Variants in TRMT61A observed in about 807,000 individuals in gnomAD.
The protein encoded by TRMT61A is tRNA methyltransferase 61A, also known as tRNA (adenine(58)-N(1))-methyltransferase catalytic subunit TRMT61A.
In TRMT61A, 15 loss-of-function variants were observed where a neutral mutation model predicts 21.3. That is an observed-to-expected ratio of 0.70 (90% CI 0.47 to 1.08). The LOEUF is 1.08. TRMT61A is among the 50% of genes least tolerant of loss of function. The pLI, the probability that TRMT61A is intolerant of heterozygous loss-of-function variation, is 0.00. For missense variants in TRMT61A, 352 were observed against 426.7 expected (o/e 0.83, Z 1.54); for synonymous variants, 183 against 185.5 (o/e 0.99, Z 0.11).
At chr14:103,529,696 A>C (rs2075946979) in intron 1 of TRMT61A, among the ~76,000 whole-genome samples, 2 of 152,220 alleles carry the variant, frequency 1.3e-5, no homozygotes, top group South Asian at 4.1e-4. Context: ...CGCCATTGCC[A>C]AGCCTCAGTC....
rs372778660 is a variant in TRMT61A, at chr14:103,534,752, C to T, written c.801C>T (p.Ser267=). The T allele has an allele frequency of 6.6e-5, 105 of 1,591,160 alleles. No homozygotes were observed. In the African/African-American group the frequency reaches 1.1e-3, roughly 17 times the overall value. ...PAGSDTSPFR[S]GTPMKEAVGH... ...GCTCCGACACCAGCCCCTTCCGCAGCGGCACGCCCATGAAGGAGGCCGTGG... is the reference window on the plus strand; with the variant it reads ...GCTCCGACACCAGCCCCTTCCGCAGTGGCACGCCCATGAAGGAGGCCGTGG... The change falls in exon 4 of 4, where the codon AGC becomes AGT. Residue 267 remains serine, a synonymous_variant. Transcript: ENST00000389749.
intron 3 of TRMT61A, 26 bp from the exon 4 acceptor site, chr14:103,534,524 T>C: frequency 6.5e-7 from 1 of 1,536,012 alleles, no homozygotes; most frequent in Non-Finnish European, 8.8e-7. Flanking sequence ...CCCTGCCCTC[T>C]GACCCTCGGG....
rs750159828 is a variant in TRMT61A, at chr14:103,534,736, C to A, written c.785C>A (p.Thr262Asn). 16 of 1,600,224 alleles carry A rather than the reference C, an allele frequency of 1.0e-5. No individual in the cohort carries two copies. Among genetic ancestry groups the A allele is most frequent in the African/African-American group, 1.3e-5 (1 of 74,796 alleles). The change falls in exon 4 of 4, where the codon ACC (threonine) becomes AAC (asparagine). Residue 262 changes from threonine to asparagine, a missense_variant. By Grantham distance (65) the Thr-to-Asn change is moderately conservative (BLOSUM62 0). Transcript: ENST00000389749. ...TGTDGPAGSD[T>N]SPFRSGTPMK... ...ACAGATGGCCCTGCCGGCTCCGACA[C>A]CAGCCCCTTCCGCAGCGGCACGCCC...
Position 103,534,954 on chromosome 14 carries a change from G to GCCC in TRMT61A, c.*135_*136insCCC. The GCCC allele has an allele frequency of 8.5e-7, 1 of 1,181,266 alleles. No homozygotes were observed. The highest frequency in any genetic ancestry group is 1.2e-6 in the Non-Finnish European group (1 of 823,498). 73.2% of individuals were successfully genotyped at this position (1,181,266 alleles called of 1,614,324 possible). ...GTGGGGCTTGGGGGCCTCCTGGGTG[G>GCCC]CCAGAGTGGGACAGCAGGAAGGGCG... On this transcript the variant is annotated 3_prime_UTR_variant, in exon 4 of 4. Coordinates refer to ENST00000389749, the MANE Select transcript of TRMT61A (RefSeq NM_152307.3).
Position 103,529,947 on chromosome 14 carries a change from C to T in TRMT61A, c.-29-3C>T. 6.4e-7 allele frequency: 1 copy of T among 1,568,228 alleles called. No homozygotes were observed. The highest frequency in any genetic ancestry group is 8.7e-7 in the Non-Finnish European group (1 of 1,155,240). On this transcript the variant is annotated splice_polypyrimidine_tract_variant and splice_region_variant and intron_variant, in intron 1 of 3. Transcript: ENST00000389749. ...GCTCATGCCTACACACACCCCTCCC[C>T]AGGTCCTTGGCCCTTGCCAGACATT...
chr14:103,533,782 C>T (rs904282108), intron 3 of TRMT61A, among the ~76,000 whole-genome samples: 3 of 152,202 alleles, frequency 2.0e-5, no homozygotes, highest in Non-Finnish European at 2.9e-5. Flanking sequence ...CTGCCGGCCA[C>T]GGGAGCCCGC....
intron 3 of TRMT61A, 84 bp from the exon 4 acceptor site, chr14:103,534,465 AG>A (rs11350625): frequency 0.39 from 572,987 of 1,474,906 alleles, 113,776 homozygotes; most frequent in East Asian, 0.51. Flanking sequence ...CTCAGACCCT[AG>A]GGTGGGAGTC....
chr14:103,532,396 C>T (rs189477425), intron 2 of TRMT61A, among the ~76,000 whole-genome samples, 186 bp from the exon 3 acceptor site: 16 of 152,196 alleles, frequency 1.1e-4, no homozygotes, highest in African/African-American at 3.9e-4. Context: ...GGGTGCCCAA[C>T]CCAGGGCTAG....
At position 103,531,420 on chromosome 14, in the gene TRMT61A, G is replaced by A. The variant is rs1336073679; in HGVS notation, c.331+1111G>A. Among the ~76,000 whole-genome samples, 1 of 152,226 alleles carries A rather than the reference G, an allele frequency of 6.6e-6. No individual in the cohort carries two copies. Among genetic ancestry groups the A allele is most frequent in the Non-Finnish European group, 1.5e-5 (1 of 68,040 alleles). ...CAAGGGACAGCTCTGCACCAAGGAG[G>A]AGCCGTGCCGAGGCCCTGCAGTTGG... is the stretch of plus-strand genomic sequence containing the variant. On this transcript the variant is annotated intron_variant, in intron 2 of 3. Transcript: ENST00000389749. This position sits in a 1 kb window ranked among gnomAD's most constrained non-coding sequence, Gnocchi z 5.1.
Position 103,531,591 on chromosome 14 carries a change from G to A in TRMT61A, c.332-991G>A, listed in dbSNP as rs2075954428. Among the ~76,000 whole-genome samples the A allele has an allele frequency of 1.3e-5, 2 of 152,134 alleles. No homozygotes were observed. Among genetic ancestry groups the A allele is most frequent in the Admixed American group, 1.3e-4 (2 of 15,282 alleles). On this transcript the variant is annotated intron_variant, in intron 2 of 3. Transcript: ENST00000389749. The surrounding 1 kb of genome is among the most constrained non-coding windows in gnomAD (Gnocchi z 5.1). ...ATGGCCAGGCTTTGCAGAGGGGCGA[G>A]GCAGCAGGCTGGGGGCACCCAGGGG...
At position 103,529,939 on chromosome 14, in the gene TRMT61A, C is replaced by T. The variant is rs1344205255; in HGVS notation, c.-29-11C>T. 6.5e-7 allele frequency: 1 copy of T among 1,549,544 alleles called. No individual in the cohort carries two copies. Among genetic ancestry groups the T allele is most frequent in the Non-Finnish European group, 8.7e-7 (1 of 1,145,800 alleles). ...CCTGACTTGCTCATGCCTACACACA[C>T]CCCTCCCCAGGTCCTTGGCCCTTGC... is the stretch of plus-strand genomic sequence containing the variant. On this transcript the variant is annotated splice_polypyrimidine_tract_variant and intron_variant, in intron 1 of 3. Transcript: ENST00000389749.
At position 103,531,728 on chromosome 14, in the gene TRMT61A, ACTTGCGATGCTCAGCG is replaced by A. The variant is rs1372405987; in HGVS notation, c.332-851_332-836del. Among the ~76,000 whole-genome samples the A allele has an allele frequency of 6.6e-6, 1 of 152,150 alleles. No homozygotes were observed. The highest frequency in any genetic ancestry group is 1.5e-5 in the Non-Finnish European group (1 of 68,016). On this transcript the variant is annotated intron_variant, in intron 2 of 3. Coordinates refer to ENST00000389749, the MANE Select transcript of TRMT61A (RefSeq NM_152307.3). This position sits in a 1 kb window ranked among gnomAD's most constrained non-coding sequence, Gnocchi z 5.1. ...GCACCTCCATGGGTCTGGCCCAAGC[ACTTGCGATGCTCAGCG>A]CTATTTGGGTTCCAGGCATGGGTGG... is the stretch of plus-strand genomic sequence containing the variant.
At position 103,536,499 on chromosome 14, in the gene TRMT61A, C is replaced by G. The variant is rs573839557; in HGVS notation, c.*1678C>G. 22 of 152,374 alleles carry G rather than the reference C, an allele frequency of 1.4e-4. No homozygotes were observed. Among genetic ancestry groups the G allele is most frequent in the Admixed American group, 1.2e-3 (19 of 15,300 alleles). The allele number at this position is 152,374 out of a possible 1,614,324, so 9.4% of individuals were successfully genotyped here. A position where few individuals can be genotyped will look rare whatever the true frequency, so the allele number is the denominator to read the frequency against. On this transcript the variant is annotated 3_prime_UTR_variant, in exon 4 of 4. Transcript: ENST00000389749. Reference sequence around the variant, plus strand: ...GCTTCCCTTCTAACCTTGTTACTCACCTGGGGCACAGAGGAGGGGCCCCCA... The same window carrying G: ...GCTTCCCTTCTAACCTTGTTACTCAGCTGGGGCACAGAGGAGGGGCCCCCA...
chr14:103,532,811 G>C lies in TRMT61A; in HGVS notation c.561G>C (p.Glu187Asp), dbSNP rs1057390847. 1.3e-6 allele frequency: 2 copies of C among 1,565,716 alleles called. No individual in the cohort carries two copies. Among genetic ancestry groups the C allele is most frequent in the African/African-American group, 2.7e-5 (2 of 73,572 alleles). ...TCCTGGACATCCCATCACCCTGGGA[G>C]GCCGTGGGCCACGCCTGGGACGCCC... ...AVFLDIPSPW[E>D]AVGHAWDALK... is the part of the protein sequence containing the mutation. The change falls in exon 3 of 4, where the codon GAG becomes GAC. Residue 187 changes from glutamate to aspartate, a missense_variant. Physicochemically the swap from Glu to Asp is conservative, Grantham distance 45. Coordinates refer to ENST00000389749, the MANE Select transcript of TRMT61A (RefSeq NM_152307.3).
Position 103,531,513 on chromosome 14 carries a change from A to G in TRMT61A, c.332-1069A>G, listed in dbSNP as rs956013724. Among the ~76,000 whole-genome samples, 1 of 151,984 alleles carries G rather than the reference A, an allele frequency of 6.6e-6. No homozygotes were observed. Among genetic ancestry groups the G allele is most frequent in the African/African-American group, 2.4e-5 (1 of 41,356 alleles). ...TGGGAGTGAGGTTGGAGGGGAAGCG[A>G]GCTCCACCCCGGAGGCTAACAAGTC... On this transcript the variant is annotated intron_variant, in intron 2 of 3. Transcript: ENST00000389749. This position sits in a 1 kb window ranked among gnomAD's most constrained non-coding sequence, Gnocchi z 5.1.
chr14:103,533,002 G>T (rs1481232881), intron 3 of TRMT61A, among the ~76,000 whole-genome samples, 154 bp downstream of exon 3: 1 of 152,264 alleles, frequency 6.6e-6, no homozygotes, highest in Non-Finnish European at 1.5e-5. Context: ...TGAGGAGTGG[G>T]TCAGGCTGGC....
intron 3 of TRMT61A, among the ~76,000 whole-genome samples, chr14:103,533,391 G>A (rs143630661): frequency 6.6e-6 from 1 of 152,304 alleles, no homozygotes; most frequent in Admixed American, 6.5e-5. Flanking sequence ...GTTGAAGGGT[G>A]GAGGTGCTGG....
In TRMT61A at chr14:103,529,972, T is replaced by A; in HGVS notation, c.-7T>A. ...CAGGTCCTTGGCCCTTGCCAGACAT[T>A]AGCACCATGAGCTTCGTGGCATACG... On this transcript the variant is annotated 5_prime_UTR_variant, in exon 2 of 4. Coordinates refer to ENST00000389749, the MANE Select transcript of TRMT61A (RefSeq NM_152307.3). The A allele has an allele frequency of 6.2e-7, 1 of 1,602,500 alleles. No homozygotes were observed. The highest frequency in any genetic ancestry group is 8.5e-7 in the Non-Finnish European group (1 of 1,173,474).
rs918508108 is a variant in TRMT61A, at chr14:103,535,511, G to T, written c.*690G>T. ...AGAGCCCCTGACATGGGCTGCACTC[G>T]CTGAGGCCAGGCAGCGCTGCGGAGA... is the stretch of plus-strand genomic sequence containing the variant. On this transcript the variant is annotated 3_prime_UTR_variant, in exon 4 of 4. Coordinates refer to ENST00000389749, the MANE Select transcript of TRMT61A (RefSeq NM_152307.3). 1 of 363,234 alleles carries T rather than the reference G, an allele frequency of 2.8e-6. No homozygotes were observed. Among genetic ancestry groups the T allele is most frequent in the Non-Finnish European group, 5.5e-6 (1 of 182,782 alleles). The allele number at this position is 363,234 out of a possible 1,614,324, so 22.5% of individuals were successfully genotyped here.
Sources: gnomAD v4.1 joint callset for allele counts (sites outside exome capture counted in the v4.1 genomes callset) on GRCh38, gnomAD v4.1.1 for gene constraint, Gnocchi (gnomAD v3.1) non-coding constraint, MANE v1.5 for transcripts, NCBI Gene and HGNC (gene_info 2026-07-23, HGNC 2026-07-21) for gene names.